The following SLC25A13 variants were observed in gnomAD, a reference collection of about 807,000 sequenced individuals.
SLC25A13 encodes electrogenic aspartate/glutamate antiporter SLC25A13, mitochondrial.
A neutral mutation model predicts 85.5 loss-of-function variants in SLC25A13; 70 were observed. The ratio of observed to expected loss-of-function variants is 0.82; its 90% CI spans 0.68 to 1.00. The LOEUF (loss-of-function observed/expected upper bound fraction) is 1.00. Among genes scored for constraint, SLC25A13 ranks in the 50% least tolerant of loss-of-function variants. The pLI is 0.00. For missense variants in SLC25A13, 765 were observed against 819.8 expected, an observed-to-expected ratio of 0.93 and a Z score of 0.82; for synonymous variants, 259 against 288.7, an observed-to-expected ratio of 0.90 and a Z score of 1.04.
chr7:96,131,591 CCTTTT>C, intron 15 of SLC25A13, 147 bp downstream of exon 15: 1 of 935,328 alleles, frequency 1.1e-6, no homozygotes, highest in Admixed American at 2.5e-5. Context: ...TAATTTTTTC[CCTTTT>C]TTTTCAGTAG....
chr7:96,319,063 G>C (rs1285565621), intron 1 of SLC25A13, among the ~76,000 whole-genome samples: 1 of 152,168 alleles, frequency 6.6e-6, no homozygotes, highest in Non-Finnish European at 1.5e-5. Flanking sequence ...GATGCCCAAA[G>C]GCAGTTCAAT....
rs370546671 is a variant in SLC25A13, at chr7:96,121,644, A to G, written c.1841+11T>C. On this transcript the variant is annotated intron_variant, in intron 17 of 17. Transcript: ENST00000265631. The stretch of plus-strand genomic sequence containing the variant: ...GCCAAAATTTAGCAGCAGATTTAGC[A>G]TGATACTTACACTCCTCCAAAATCA... 2.0e-5 allele frequency: 33 copies of G among 1,613,972 alleles called. No individual in the cohort carries two copies. In the African/African-American group the frequency reaches 4.3e-4, roughly 21 times the overall value.
chr7:96,251,481 G>C (rs1797425247), intron 3 of SLC25A13, among the ~76,000 whole-genome samples: 1 of 152,086 alleles, frequency 6.6e-6, no homozygotes. Context: ...ATCCAGGTGA[G>C]AGATGGTCAT....
intron 3 of SLC25A13, among the ~76,000 whole-genome samples, chr7:96,245,434 C>G (rs1797152126): frequency 6.6e-6 from 1 of 152,164 alleles, no homozygotes; most frequent in Admixed American, 6.5e-5. Context: ...AAAAGAACCA[C>G]TACAAGCCTA....
In SLC25A13 at chr7:96,174,501, G is replaced by A. The variant is rs185067938; in HGVS notation, c.1178-2977C>T. ...TTCTACTAGTAATATGTGGGCATAC[G>A]CCTGTTTAAACTACCTCTTCACAAT... On this transcript the variant is annotated intron_variant, in intron 11 of 17. Coordinates refer to ENST00000265631, the MANE Select transcript of SLC25A13 (RefSeq NM_014251.3). 3.9e-5 allele frequency among the ~76,000 whole-genome samples: 6 copies of A among 152,286 alleles called. No homozygotes were observed. In the East Asian group the frequency reaches 5.8e-4, roughly 15 times the overall value.
intron 1 of SLC25A13, among the ~76,000 whole-genome samples, chr7:96,303,893 C>T (rs575678549): frequency 1.1e-3 from 167 of 152,064 alleles, no homozygotes; most frequent in Non-Finnish European, 2.2e-3. Context: ...CTTTACCTTC[C>T]CAACAAATTG....
chr7:96,177,189 G>C (rs767089548), intron 11 of SLC25A13, among the ~76,000 whole-genome samples: 1 of 152,190 alleles, frequency 6.6e-6, no homozygotes, highest in Non-Finnish European at 1.5e-5. Context: ...ATTAGCTAAG[G>C]AGTATCATGC....
intron 5 of SLC25A13, among the ~76,000 whole-genome samples, chr7:96,206,443 G>GA (rs1280280500): frequency 4.6e-5 from 7 of 152,124 alleles, no homozygotes; most frequent in Non-Finnish European, 8.8e-5. Flanking sequence ...CCTACATTCA[G>GA]AAAAGAGTTC....
intron 11 of SLC25A13, among the ~76,000 whole-genome samples, chr7:96,174,396 C>T (rs1253181844): frequency 6.6e-6 from 1 of 152,216 alleles, no homozygotes; most frequent in East Asian, 1.9e-4. Context: ...ATACTCATGA[C>T]ACTCACTCAC....
intron 5 of SLC25A13, among the ~76,000 whole-genome samples, chr7:96,207,997 A>C (rs1795524642): frequency 6.6e-6 from 1 of 152,122 alleles, no homozygotes; most frequent in African/African-American, 2.4e-5. Context: ...CATTAAATCT[A>C]ATCTCTAGAG....
intron 7 of SLC25A13, among the ~76,000 whole-genome samples, chr7:96,189,914 T>A (rs886837425): frequency 3.9e-5 from 6 of 152,156 alleles, no homozygotes; most frequent in African/African-American, 1.4e-4. Context: ...CTGATGTTAT[T>A]CAAATTGCCA....
At chr7:96,230,810 A>G (rs1407719010) in intron 4 of SLC25A13, among the ~76,000 whole-genome samples, 1 of 152,226 alleles carries the variant, frequency 6.6e-6, no homozygotes, top group Non-Finnish European at 1.5e-5. Context: ...CTTGAAATGG[A>G]TTAAAGACTT....
At chr7:96,202,051 A>G (rs140928716) in intron 5 of SLC25A13, among the ~76,000 whole-genome samples, 13 of 152,310 alleles carry the variant, frequency 8.5e-5, no homozygotes, top group African/African-American at 2.9e-4. Flanking sequence ...TGTTACACAG[A>G]AAAGAAGTAG....
At chr7:96,172,594 A>G (rs3779487) in intron 11 of SLC25A13, among the ~76,000 whole-genome samples, 51,432 of 151,518 alleles carry the variant, frequency 0.34, 9,237 homozygotes, top group East Asian at 0.59. Flanking sequence ...CTGACCTAAC[A>G]GTCAGTTCAT....
At chr7:96,306,182 T>C (rs1472689817) in intron 1 of SLC25A13, among the ~76,000 whole-genome samples, 3 of 152,218 alleles carry the variant, frequency 2.0e-5, no homozygotes, top group Non-Finnish European at 2.9e-5. Context: ...TGCAAATCTA[T>C]GATTTCAGCC....
chr7:96,229,201 T>C (rs1033809107), intron 4 of SLC25A13, among the ~76,000 whole-genome samples: 169 of 152,306 alleles, frequency 1.1e-3, no homozygotes, highest in African/African-American at 3.8e-3. Context: ...GGAGAACTTT[T>C]ATGTCTAGCA....
At chr7:96,229,850 T>C (rs1181630189) in intron 4 of SLC25A13, among the ~76,000 whole-genome samples, 41 of 152,140 alleles carry the variant, frequency 2.7e-4, no homozygotes, top group Non-Finnish European at 8.8e-5. Flanking sequence ...CTTTAAGAAC[T>C]GTAACACTCA....
intron 3 of SLC25A13, among the ~76,000 whole-genome samples, chr7:96,274,961 C>G (rs1467994400): frequency 6.6e-6 from 1 of 152,108 alleles, no homozygotes; most frequent in Non-Finnish European, 1.5e-5. Flanking sequence ...CAGCTTTGTT[C>G]TTTTGGTTTA....
At chr7:96,320,599 A>C (rs1050677432) in intron 1 of SLC25A13, among the ~76,000 whole-genome samples, 1 of 152,192 alleles carries the variant, frequency 6.6e-6, no homozygotes, top group South Asian at 2.1e-4. Context: ...ATGCTCAGAG[A>C]AACTGCTGAA....
Sources: gnomAD v4.1 joint callset for allele counts (sites outside exome capture counted in the v4.1 genomes callset) on GRCh38, gnomAD v4.1.1 for gene constraint, MANE v1.5 for transcripts, NCBI Gene and HGNC (gene_info 2026-07-23, HGNC 2026-07-21) for gene names.